The following PCDHGC5 variants were observed in gnomAD, a reference collection of about 807,000 sequenced individuals.
PCDHGC5 encodes protocadherin gamma subfamily C, 5, also known as protocadherin gamma-C5.
Under a neutral mutation model 59.0 loss-of-function variants are expected in PCDHGC5, and 25 were observed. The ratio of observed to expected loss-of-function variants is 0.42; its 90% CI spans 0.31 to 0.59. PCDHGC5 has a LOEUF of 0.59. Ranked by LOEUF, PCDHGC5 falls within the 20% of genes least tolerant of loss-of-function variation. The probability of loss-of-function intolerance (pLI) is 0.13; values close to 1 mark genes in which losing one functional copy is unlikely to be tolerated. For synonymous variants in PCDHGC5, 434 were observed against 505.5 expected, an observed-to-expected ratio of 0.86 and a Z score of 1.90; for missense variants, 1,067 against 1,206.4, an observed-to-expected ratio of 0.88 and a Z score of 1.71.
chr5:141,503,212 C>G (rs1227936455), intron 2 of PCDHGC5, among the ~76,000 whole-genome samples: 1 of 152,074 alleles, frequency 6.6e-6, no homozygotes, highest in African/African-American at 2.4e-5. Flanking sequence ...CAGTGCCCAC[C>G]ATGAGCACCG....
Position 141,491,029 on chromosome 5 carries a change from G to T in PCDHGC5, c.1789G>T (p.Ala597Ser). 1 of 1,614,172 alleles carries T rather than the reference G, an allele frequency of 6.2e-7. No homozygotes were observed. The highest frequency in any genetic ancestry group is 1.1e-5 in the South Asian group (1 of 91,088). Residue 597 changes from alanine to serine, a missense_variant, in exon 1 of 4, where the codon GCT (alanine) becomes TCT (serine). By Grantham distance (99) the Ala-to-Ser change is moderately conservative (BLOSUM62 1). Coordinates refer to ENST00000252087, the MANE Select transcript of PCDHGC5 (RefSeq NM_018929.3). The surrounding 1 kb of genome is among the most constrained non-coding windows in gnomAD (Gnocchi z 6.9). ...SLVTKVTAVD[A>S]DAGHNAWLSY... is the part of the protein sequence containing the mutation. ...GGTCACCAAGGTGACAGCCGTGGAT[G>T]CTGATGCAGGCCACAATGCGTGGCT...
Position 141,491,547 on chromosome 5 carries a change from G to A in PCDHGC5, c.2307G>A (p.Ser769=). Residue 769 remains serine, a synonymous_variant, in exon 1 of 4, where the codon TCG becomes TCA. Transcript: ENST00000252087. This position sits in a 1 kb window ranked among gnomAD's most constrained non-coding sequence, Gnocchi z 6.9. ...YMEVTLRPTD[S]QSHCYRTCFS... is the part of the protein sequence containing the mutation. ...AGGTGACGCTGCGGCCCACAGACTC[G>A]CAGAGCCACTGCTACAGGACGTGCT... is the stretch of plus-strand genomic sequence containing the variant. The A allele has an allele frequency of 4.3e-6, 7 of 1,613,974 alleles. No individual in the cohort carries two copies. The highest frequency in any genetic ancestry group is 5.9e-6 in the Non-Finnish European group (7 of 1,180,022).
At chr5:141,506,934 G>A (rs187503673) in intron 3 of PCDHGC5, among the ~76,000 whole-genome samples, 54 of 152,232 alleles carry the variant, frequency 3.5e-4, no homozygotes, top group African/African-American at 1.3e-3. Flanking sequence ...AAACTTTAGG[G>A]GCCTCCTGTC....
In PCDHGC5 at chr5:141,512,809, A is replaced by C. The variant is rs2099884438; in HGVS notation, c.*1636A>C. ...GTGTTTTGTGCTGTGTCCACGCGCT[A>C]AGGCGACCCCCTCCCCCGTACTGAC... On this transcript the variant is annotated 3_prime_UTR_variant, in exon 4 of 4. Coordinates refer to ENST00000252087, the MANE Select transcript of PCDHGC5 (RefSeq NM_018929.3). 6.6e-6 allele frequency: 1 copy of C among 152,130 alleles called. No homozygotes were observed. The highest frequency in any genetic ancestry group is 2.4e-5 in the African/African-American group (1 of 41,404). The allele number at this position is 152,130 out of a possible 1,614,324, so 9.4% of individuals were successfully genotyped here. A position where few individuals can be genotyped will look rare whatever the true frequency, so the allele number is the denominator to read the frequency against.
intron 2 of PCDHGC5, among the ~76,000 whole-genome samples, chr5:141,499,937 C>T (rs1257575594): frequency 6.6e-6 from 1 of 152,082 alleles, no homozygotes; most frequent in Non-Finnish European, 1.5e-5. Context: ...ATCCACCCTC[C>T]TCGGCCTCCC....
At chr5:141,495,463 G>T (rs1562169154) in intron 2 of PCDHGC5, among the ~76,000 whole-genome samples, 1 of 152,114 alleles carries the variant, frequency 6.6e-6, no homozygotes, top group Non-Finnish European at 1.5e-5. Context: ...TCTGTCTGTG[G>T]GGTCTCCGTG....
chr5:141,494,142 A>AAGACAACT (rs2099752181), intron 1 of PCDHGC5, among the ~76,000 whole-genome samples: 5 of 152,090 alleles, frequency 3.3e-5, no homozygotes, highest in Admixed American at 6.5e-5. Context: ...TTAGTCACAG[A>AAGACAACT]CCATTGTCTG....
chr5:141,502,535 G>A (rs910160644), intron 2 of PCDHGC5, among the ~76,000 whole-genome samples: 14 of 152,172 alleles, frequency 9.2e-5, no homozygotes, highest in South Asian at 2.1e-4. Flanking sequence ...GAGTTTGTTC[G>A]TGTGGTAAAA....
In PCDHGC5 at chr5:141,511,358, G is replaced by GT; in HGVS notation, c.*187dup. 1 of 1,355,398 alleles carries GT rather than the reference G, an allele frequency of 7.4e-7. No homozygotes were observed. Among genetic ancestry groups the GT allele is most frequent in the South Asian group, 1.5e-5 (1 of 66,198 alleles). 84.0% of individuals were successfully genotyped at this position (1,355,398 alleles called of 1,614,324 possible). On this transcript the variant is annotated 3_prime_UTR_variant, in exon 4 of 4. Transcript: ENST00000252087. ...GCACCTACCCCTTCCCCCCCAGGGG[G>GT]TTGAATATGCAAAAGCAGTTCCGCT...
At chr5:141,498,967 GGGAGGGAAGGAAGGAAGGAA>G (rs1464205074) in intron 2 of PCDHGC5, among the ~76,000 whole-genome samples, 5 of 129,584 alleles carry the variant, frequency 3.9e-5, no homozygotes, top group African/African-American at 1.6e-4. Flanking sequence ...GAGGGAGGGA[GGGAGGGAAGGAAGGAAGGAA>G]GGAAGGAAGG....
At chr5:141,508,927 A>C (rs1562237319) in intron 3 of PCDHGC5, among the ~76,000 whole-genome samples, 1 of 151,542 alleles carries the variant, frequency 6.6e-6, no homozygotes. Context: ...TTCCTTTTGG[A>C]GTTAATTAGG....
rs1485520054 is a variant in PCDHGC5 at position 141,511,210 on chromosome 5, C to T, written c.*37C>T. 6.2e-7 allele frequency: 1 copy of T among 1,609,328 alleles called. No individual in the cohort carries two copies. The highest frequency in any genetic ancestry group is 1.3e-5 in the African/African-American group (1 of 74,896). ...GGCCAAGAGCCACAGGGCGGCCTCT[C>T]CCCAACCAGCCCAGCTTCTCCTTAC... On this transcript the variant is annotated 3_prime_UTR_variant, in exon 4 of 4. Transcript: ENST00000252087.
chr5:141,491,802 G>A lies in PCDHGC5; in HGVS notation c.2460+102G>A. 6.7e-7 allele frequency: 1 copy of A among 1,497,480 alleles called. No homozygotes were observed. Among genetic ancestry groups the A allele is most frequent in the East Asian group, 2.5e-5 (1 of 40,518 alleles). The allele number at this position is 1,497,480 out of a possible 1,614,324, so 92.8% of individuals were successfully genotyped here. ...ACTTGCATCCACTCCTCTCCGGCCG[G>A]CTTGGTCGCTGGCTGCGCTCCACCC... On this transcript the variant is annotated intron_variant, in intron 1 of 3. Coordinates refer to ENST00000252087, the MANE Select transcript of PCDHGC5 (RefSeq NM_018929.3). The surrounding 1 kb of genome is among the most constrained non-coding windows in gnomAD (Gnocchi z 6.9).
rs143168452 is a variant in PCDHGC5 at position 141,504,127 on chromosome 5, C to T, written c.2520-1266C>T. Among the ~76,000 whole-genome samples the T allele has an allele frequency of 1.3e-3, 195 of 152,220 alleles. 2 individuals carry two copies. The highest frequency in any genetic ancestry group is 4.4e-3 in the African/African-American group (181 of 41,520). On this transcript the variant is annotated intron_variant, in intron 2 of 3. Transcript: ENST00000252087. ...CTGTGTGTGTGCCAGGGCTGTTTCC[C>T]GCCAACACTCCCCTGCAAATTGAAA...
At chr5:141,500,438 T>C (rs977844035) in intron 2 of PCDHGC5, among the ~76,000 whole-genome samples, 2 of 151,816 alleles carry the variant, frequency 1.3e-5, no homozygotes, top group African/African-American at 4.8e-5. Flanking sequence ...CTCGATCTCC[T>C]GACCTCGTGA....
chr5:141,500,184 TTTTA>T (rs58019021), intron 2 of PCDHGC5, among the ~76,000 whole-genome samples: 6,359 of 135,894 alleles, frequency 0.047, 285 homozygotes, highest in African/African-American at 0.12. Context: ...TCATTTTTAT[TTTTA>T]TTTATTTATT....
intron 3 of PCDHGC5, 134 bp downstream of exon 3, chr5:141,505,615 C>T: frequency 2.0e-6 from 3 of 1,504,946 alleles, no homozygotes; most frequent in Non-Finnish European, 1.8e-6. Flanking sequence ...TCTGAAAGGA[C>T]CCACAATTCC....
rs1391608601 is a variant in PCDHGC5 at position 141,511,893 on chromosome 5, A to G, written c.*720A>G. The G allele has an allele frequency of 6.4e-6, 1 of 155,062 alleles. No homozygotes were observed. Among genetic ancestry groups the G allele is most frequent in the East Asian group, 1.9e-4 (1 of 5,240 alleles). 9.6% of individuals were successfully genotyped at this position (155,062 alleles called of 1,614,324 possible). A position where few individuals can be genotyped will look rare whatever the true frequency, so the allele number is the denominator to read the frequency against. On this transcript the variant is annotated 3_prime_UTR_variant, in exon 4 of 4. Transcript: ENST00000252087. ...TCCACTGCATGCCTTGACTTCCCCC[A>G]CCTCCTCCTCAAACAAGAGACTCCA...
chr5:141,490,196 A>G lies in PCDHGC5; in HGVS notation c.956A>G (p.His319Arg), dbSNP rs748858034. Residue 319 changes from histidine (H) to arginine (R), a missense_variant, in exon 1 of 4, where the codon CAT (histidine) becomes CGT (arginine). Coordinates refer to ENST00000252087, the MANE Select transcript of PCDHGC5 (RefSeq NM_018929.3). The surrounding 1 kb of genome is among the most constrained non-coding windows in gnomAD (Gnocchi z 5.4). ...GAGGAGTCACGTTTCTATGAAATTCATGCAAGAGCCCGTGACCAGGGACAG... is the reference window on the plus strand; with the variant it reads ...GAGGAGTCACGTTTCTATGAAATTCGTGCAAGAGCCCGTGACCAGGGACAG... ...DFEESRFYEI[H>R]ARARDQGQPA... is the part of the protein sequence containing the mutation. The G allele has an allele frequency of 3.7e-6, 6 of 1,614,196 alleles. No individual in the cohort carries two copies. The highest frequency in any genetic ancestry group is 4.2e-6 in the Non-Finnish European group (5 of 1,180,020).
Sources: gnomAD v4.1 joint callset for allele counts (sites outside exome capture counted in the v4.1 genomes callset) on GRCh38, gnomAD v4.1.1 for gene constraint, Gnocchi (gnomAD v3.1) non-coding constraint, MANE v1.5 for transcripts, NCBI Gene and HGNC (gene_info 2026-07-23, HGNC 2026-07-21) for gene names.